JMJD1C: variants seen among roughly 807,000 people sequenced by gnomAD.
The protein encoded by JMJD1C is jumonji domain containing 1C, also known as jumonji domain-containing protein 1C.
Under a neutral mutation model 245.3 loss-of-function variants are expected in JMJD1C, and 31 were observed. The observed-to-expected ratio is 0.13, with a 90% confidence interval of 0.09 to 0.17. The LOEUF (loss-of-function observed/expected upper bound fraction) is 0.17. Among genes scored for constraint, JMJD1C ranks in the 10% least tolerant of loss-of-function variants. The pLI is 1.00. For synonymous variants in JMJD1C, 1,057 were observed against 1,017.4 expected (o/e 1.04, Z -0.74); for missense variants, 2,691 against 3,000.2 (o/e 0.90, Z 2.41).
At chr10:63,266,433 G>T (rs554982485) in intron 2 of JMJD1C, among the ~76,000 whole-genome samples, 1 of 152,122 alleles carries the variant, frequency 6.6e-6, no homozygotes, top group South Asian at 2.1e-4. Context: ...CAAAAAGTTT[G>T]TAAGAAATTC....
chr10:63,483,481 C>G (rs1953891199), intron 1 of JMJD1C, among the ~76,000 whole-genome samples: 1 of 152,204 alleles, frequency 6.6e-6, no homozygotes, highest in African/African-American at 2.4e-5. Context: ...TCAGCAGTAC[C>G]TACCTCCCCA....
At chr10:63,256,700 C>A (rs1853980845) in intron 3 of JMJD1C, among the ~76,000 whole-genome samples, 1 of 152,210 alleles carries the variant, frequency 6.6e-6, no homozygotes, top group Admixed American at 6.5e-5. Context: ...GCTCATCCTA[C>A]CAAGCCAATA....
At chr10:63,352,746 A>G (rs1456644606) in intron 2 of JMJD1C, among the ~76,000 whole-genome samples, 2 of 152,176 alleles carry the variant, frequency 1.3e-5, no homozygotes, top group Non-Finnish European at 2.9e-5. Context: ...ACCGCTGAAC[A>G]AGAGAGGTTT....
chr10:63,515,446 G>T (rs1433564993), intron 1 of JMJD1C, among the ~76,000 whole-genome samples: 1 of 152,142 alleles, frequency 6.6e-6, no homozygotes, highest in African/African-American at 2.4e-5. Flanking sequence ...AAACTACGGG[G>T]GCTTCCTTAG....
chr10:63,305,161 G>T (rs199843911), intron 2 of JMJD1C, among the ~76,000 whole-genome samples: 1 of 151,904 alleles, frequency 6.6e-6, no homozygotes, highest in African/African-American at 2.4e-5. Context: ...AAGGTCAGGA[G>T]ATCGAGACCA....
chr10:63,339,203 T>A (rs1943149508), intron 2 of JMJD1C, among the ~76,000 whole-genome samples: 1 of 152,180 alleles, frequency 6.6e-6, no homozygotes, highest in African/African-American at 2.4e-5. Context: ...AATAAGAGAT[T>A]CACTGAAGAG....
In JMJD1C at chr10:63,507,644, C is replaced by CAAAAAAAAAAAAAAAAA. The variant is rs34738955; in HGVS notation, n.113+14077_113+14093dup. ...TGGGCAACAGAGTAAGACTCTGTCT[C>CAAAAAAAAAAAAAAAAA]AAAAAAAAAAAAAAAAAAACAGTGG... On this transcript the variant is annotated intron_variant and non_coding_transcript_variant, in intron 1 of 3. Transcript: ENST00000633035. Among the ~76,000 whole-genome samples the CAAAAAAAAAAAAAAAAA allele has an allele frequency of 4.6e-3, 268 of 58,728 alleles. 62 individuals are homozygous for CAAAAAAAAAAAAAAAAA. The highest frequency in any genetic ancestry group is 0.021 in the African/African-American group (216 of 10,312). 38.5% of individuals were successfully genotyped at this position (58,728 alleles called of 152,430 possible).
chr10:63,356,402 T>C (rs576879312), intron 2 of JMJD1C, among the ~76,000 whole-genome samples: 3 of 152,228 alleles, frequency 2.0e-5, no homozygotes. Context: ...GAAAATGAAT[T>C]ACTTTGAGCT....
Position 63,242,674 on chromosome 10 carries a change from C to T in JMJD1C, c.447+21977G>A, listed in dbSNP as rs960809902. On this transcript the variant is annotated intron_variant, in intron 3 of 25. Transcript: ENST00000399262. ...CCAGGACGCGGAGGTTGCAGTGAAGCGAGACCACGCCACTGCACTCCAGCC... is the reference window on the plus strand; with the variant it reads ...CCAGGACGCGGAGGTTGCAGTGAAGTGAGACCACGCCACTGCACTCCAGCC... Among the ~76,000 whole-genome samples, 10 of 152,222 alleles carry T rather than the reference C, an allele frequency of 6.6e-5. No individual in the cohort carries two copies. The South Asian group carries it at 8.3e-4, about 13-fold the overall frequency.
chr10:63,192,405 A>G (rs1199769993), intron 16 of JMJD1C, among the ~76,000 whole-genome samples: 1 of 152,012 alleles, frequency 6.6e-6, no homozygotes, highest in Non-Finnish European at 1.5e-5. Context: ...CCCTGTCTCT[A>G]CTAAAAATAT....
chr10:63,357,866 C>G (rs7899532), intron 2 of JMJD1C, among the ~76,000 whole-genome samples: 4,397 of 137,818 alleles, frequency 0.032, 228 homozygotes, highest in African/African-American at 0.1. Context: ...CACACACACA[C>G]AGAGACAAAC....
chr10:63,462,119 T>C (rs1952835904), intron 1 of JMJD1C, among the ~76,000 whole-genome samples: 1 of 152,190 alleles, frequency 6.6e-6, no homozygotes, highest in Non-Finnish European at 1.5e-5. Flanking sequence ...ATGTGCTGTA[T>C]ATATTTCAAC....
chr10:63,280,035 C>G (rs774116546), intron 2 of JMJD1C, among the ~76,000 whole-genome samples: 3 of 151,840 alleles, frequency 2.0e-5, no homozygotes, highest in Non-Finnish European at 4.4e-5. Context: ...CCTGTAGTCC[C>G]AGCTACTCAG....
At chr10:63,206,247 GGT>G (rs1846604634) in intron 10 of JMJD1C, among the ~76,000 whole-genome samples, 1 of 152,098 alleles carries the variant, frequency 6.6e-6, no homozygotes, top group Non-Finnish European at 1.5e-5. Context: ...ATCCACTTTT[GGT>G]GTGACAGCCA....
chr10:63,212,460 G>A (rs563867972), intron 8 of JMJD1C, among the ~76,000 whole-genome samples: 1 of 152,214 alleles, frequency 6.6e-6, no homozygotes, highest in South Asian at 2.1e-4. Context: ...TTATACCGGG[G>A]CTAGTATTGC....
Position 63,208,578 on chromosome 10 carries a change from C to T in JMJD1C, c.3091G>A (p.Asp1031Asn). The change falls in exon 10 of 26, where the codon GAT becomes AAT. Residue 1031 changes from aspartate to asparagine, a missense_variant. Physicochemically the swap from Asp to Asn is conservative, Grantham distance 23. Transcript: ENST00000399262. Reference sequence around the variant, plus strand: ...ATTTTAGTTGTAAAGGGAGCAACATCAATACTTTCTTGAAGAATTCGACGG... The same window carrying T: ...ATTTTAGTTGTAAAGGGAGCAACATTAATACTTTCTTGAAGAATTCGACGG... ...EHRRILQESI[D>N]VAPFTTKIKG... The T allele has an allele frequency of 6.2e-7, 1 of 1,614,010 alleles. No homozygotes were observed. Among genetic ancestry groups the T allele is most frequent in the Non-Finnish European group, 8.5e-7 (1 of 1,179,920 alleles).
chr10:63,480,148 G>A (rs1049769826), intron 1 of JMJD1C, among the ~76,000 whole-genome samples: 6 of 151,924 alleles, frequency 3.9e-5, no homozygotes, highest in African/African-American at 1.5e-4. Context: ...TGTCAAATGA[G>A]ACAACAATGT....
intron 2 of JMJD1C, among the ~76,000 whole-genome samples, chr10:63,355,049 G>C (rs1404560627): frequency 1.3e-5 from 2 of 151,486 alleles, no homozygotes; most frequent in African/African-American, 4.9e-5. Flanking sequence ...AATAAATAAA[G>C]ATGGCTTTCA....
intron 2 of JMJD1C, among the ~76,000 whole-genome samples, chr10:63,267,112 TAA>T (rs1855670201): frequency 6.6e-6 from 1 of 152,198 alleles, no homozygotes; most frequent in South Asian, 2.1e-4. Flanking sequence ...TGAGTACTTA[TAA>T]TCATTTACAA....
Sources: allele counts gnomAD v4.1 joint callset (sites outside exome capture counted in the v4.1 genomes callset), GRCh38; gene constraint gnomAD v4.1.1; transcripts MANE v1.5; gene names NCBI Gene and HGNC (gene_info 2026-07-23, HGNC 2026-07-21).